The following VPS9D1 variants were observed in gnomAD, a reference collection of about 807,000 sequenced individuals.
The protein encoded by VPS9D1 is VPS9 domain-containing protein 1.
VPS9D1 carries 78 observed loss-of-function variants against 75.8 expected under a neutral mutation model. That is an observed-to-expected ratio of 1.03 (90% CI 0.86 to 1.24). The LOEUF is 1.24. Among genes scored for constraint, VPS9D1 ranks in the 50% most tolerant of loss-of-function variants. The pLI, the probability that VPS9D1 is intolerant of heterozygous loss-of-function variation, is 0.00. For synonymous variants in VPS9D1, 481 were observed against 385.6 expected (o/e 1.25, Z -2.90); for missense variants, 1,057 against 847.7 (o/e 1.25, Z -3.07).
rs904241769 is a variant in VPS9D1, at chr16:89,711,370, C to T, written c.790G>A (p.Gly264Arg). The change falls in exon 9 of 15, where the codon GGG becomes AGG. Residue 264 changes from glycine (G) to arginine (R), a missense_variant. Coordinates refer to ENST00000389386, the MANE Select transcript of VPS9D1 (RefSeq NM_004913.3). ...AGGCTGGTCACGAGTGACAGGTCCC[C>T]CGGATTCCTCTTGAGCTTGGCCTTC... ...HWKAKLKRNP[G>R]DLSLVTSLVS... 2 of 1,611,052 alleles carry T rather than the reference C, an allele frequency of 1.2e-6. No homozygotes were observed. Among genetic ancestry groups the T allele is most frequent in the East Asian group, 2.2e-5 (1 of 44,798 alleles).
intron 4 of VPS9D1, among the ~76,000 whole-genome samples, chr16:89,714,882 G>A (rs1050378004): frequency 4.0e-5 from 6 of 151,682 alleles, no homozygotes; most frequent in African/African-American, 9.7e-5. Context: ...TTACAGGCAC[G>A]CGCCACCATG....
chr16:89,710,278 C>T (rs756959802), intron 10 of VPS9D1, among the ~76,000 whole-genome samples: 5 of 152,180 alleles, frequency 3.3e-5, no homozygotes, highest in Non-Finnish European at 7.3e-5. Flanking sequence ...TGTTGGGCCT[C>T]CCTCAGTGGT....
At position 89,716,608 on chromosome 16, in the gene VPS9D1, C is replaced by T; in HGVS notation, c.285G>A (p.Lys95=). The T allele has an allele frequency of 6.2e-7, 1 of 1,613,426 alleles. No individual in the cohort carries two copies. Among genetic ancestry groups the T allele is most frequent in the Non-Finnish European group, 8.5e-7 (1 of 1,179,584 alleles). The part of the protein sequence containing the change: ...TAAKLGKTRL[K]PTMPAAAPIP... ...TGGGAGCAGCTGCAGGCATGGTTGGCTTCAGGCGTGTTTTCCCTGCAAGCC... is the reference window on the plus strand; with the variant it reads ...TGGGAGCAGCTGCAGGCATGGTTGGTTTCAGGCGTGTTTTCCCTGCAAGCC... The change falls in exon 4 of 15, where the codon AAG becomes AAA. Residue 95 remains lysine, a synonymous_variant. Transcript: ENST00000389386.
rs370435711 is a variant in VPS9D1 at position 89,712,535 on chromosome 16, G to A, written c.544-13C>T. 902 of 1,611,808 alleles carry A rather than the reference G, an allele frequency of 5.6e-4. 1 individual carries two copies. The African/African-American group carries it at 0.011, about 19-fold the overall frequency. ...GTAGAGAGAGGGTCTGGGGGGGGAG[G>A]AGGGAGTAAGGCCGACTCCCCTCTG... On this transcript the variant is annotated splice_polypyrimidine_tract_variant and intron_variant, in intron 5 of 14. Coordinates refer to ENST00000389386, the MANE Select transcript of VPS9D1 (RefSeq NM_004913.3).
intron 13 of VPS9D1, 119 bp from the exon 14 acceptor site, chr16:89,708,650 G>C: frequency 8.5e-7 from 1 of 1,170,542 alleles, no homozygotes. Context: ...TCTGCGCAGA[G>C]GCACCGGAAG....
chr16:89,713,938 T>C (rs1187292566), intron 4 of VPS9D1, among the ~76,000 whole-genome samples: 1 of 152,052 alleles, frequency 6.6e-6, no homozygotes, highest in Non-Finnish European at 1.5e-5. Flanking sequence ...TGAGGTTTTT[T>C]TGCAAAATTT....
chr16:89,708,747 A>G, intron 13 of VPS9D1, 110 bp downstream of exon 13: 3 of 1,245,808 alleles, frequency 2.4e-6, no homozygotes, highest in Middle Eastern at 4.5e-4. Flanking sequence ...CTGCTTCTAC[A>G]GTGCAGCCAG....
At chr16:89,717,338 C>T (rs1040865598) in intron 2 of VPS9D1, 12 of 351,938 alleles carry the variant, frequency 3.4e-5, no homozygotes, top group African/African-American at 2.4e-4. Flanking sequence ...TCACTTGCAA[C>T]TGCAGGCCTC....
At chr16:89,708,335 C>T (rs2060836059) in intron 14 of VPS9D1, 92 bp downstream of exon 14, 2 of 1,270,546 alleles carry the variant, frequency 1.6e-6, no homozygotes, top group African/African-American at 1.5e-5. Flanking sequence ...ACGCTACCCT[C>T]CCCAGCTGCT....
At chr16:89,711,490 AC>A in intron 8 of VPS9D1, 78 bp from the exon 9 acceptor site, 1 of 1,362,488 alleles carries the variant, frequency 7.3e-7, no homozygotes, top group East Asian at 2.5e-5. Context: ...ACCAGTGCCG[AC>A]CCCTAGAGAC....
chr16:89,720,705 C>CG, intron 1 of VPS9D1, 58 bp downstream of exon 1: 2 of 1,338,328 alleles, frequency 1.5e-6, no homozygotes, highest in Non-Finnish European at 1.9e-6. Flanking sequence ...CCTCCCCGGG[C>CG]GGGGGTCCCT....
At chr16:89,720,706 G>A in intron 1 of VPS9D1, 57 bp downstream of exon 1, 1 of 1,339,972 alleles carries the variant, frequency 7.5e-7, no homozygotes, top group South Asian at 1.8e-5. Flanking sequence ...CTCCCCGGGC[G>A]GGGGTCCCTC....
In VPS9D1 at chr16:89,709,413, C is replaced by T. The variant is rs1161764330; in HGVS notation, c.1411G>A (p.Ala471Thr). ...AGCTCCATGCTCCTGCTCAGGGCAGCCTCCCGGGCTCGGTGCACGCTCCTG... is the reference window on the plus strand; with the variant it reads ...AGCTCCATGCTCCTGCTCAGGGCAGTCTCCCGGGCTCGGTGCACGCTCCTG... ...LYRSVHRARE[A>T]ALSRSMELYR... The change falls in exon 12 of 15, where the codon GCT becomes ACT. Residue 471 changes from alanine to threonine, a missense_variant. Transcript: ENST00000389386. 1.3e-6 allele frequency: 2 copies of T among 1,519,084 alleles called. No individual in the cohort carries two copies. Among genetic ancestry groups the T allele is most frequent in the Non-Finnish European group, 1.8e-6 (2 of 1,140,992 alleles). The allele number at this position is 1,519,084 out of a possible 1,614,324, so 94.1% of individuals were successfully genotyped here.
At position 89,709,844 on chromosome 16, in the gene VPS9D1, G is replaced by T; in HGVS notation, c.1321C>A (p.Arg441Ser). The T allele has an allele frequency of 6.2e-7, 1 of 1,613,748 alleles. No individual in the cohort carries two copies. The highest frequency in any genetic ancestry group is 8.5e-7 in the Non-Finnish European group (1 of 1,179,886). The part of the protein sequence containing the change: ...EGLNTAASKD[R>S]CLACIEEPFF... ...GGTTCCTCAATGCAGGCCAGGCAGC[G>T]GTCCTTGGAGGCAGCTGTGTTTAGG... Residue 441 changes from arginine to serine, a missense_variant, in exon 11 of 15, where the codon CGC (arginine) becomes AGC (serine). Transcript: ENST00000389386.
chr16:89,720,712 C>A, intron 1 of VPS9D1, 51 bp downstream of exon 1: 1 of 1,348,932 alleles, frequency 7.4e-7, no homozygotes, highest in Non-Finnish European at 9.5e-7. Flanking sequence ...GGGCGGGGGT[C>A]CCTCCAGGGG....
At chr16:89,716,877 G>C in intron 2 of VPS9D1, 55 bp from the exon 3 acceptor site, 1 of 1,483,556 alleles carries the variant, frequency 6.7e-7, no homozygotes, top group South Asian at 1.3e-5. Flanking sequence ...GTTACTTACT[G>C]CTGAGATAAA....
Position 89,707,738 on chromosome 16 carries a change from A to C in VPS9D1, c.*123T>G, listed in dbSNP as rs1299220181. On this transcript the variant is annotated 3_prime_UTR_variant, in exon 15 of 15. Transcript: ENST00000389386. ...AGCACACCACAGTGGACAAGCCCCC[A>C]CCATGTGCAGAGCAGCGTGAGGCTC... is the stretch of plus-strand genomic sequence containing the variant. 1.2e-6 allele frequency: 1 copy of C among 813,850 alleles called. No homozygotes were observed. The highest frequency in any genetic ancestry group is 1.7e-5 in the African/African-American group (1 of 58,636). The allele number at this position is 813,850 out of a possible 1,614,324, so 50.4% of individuals were successfully genotyped here. A position where few individuals can be genotyped will look rare whatever the true frequency, so the allele number is the denominator to read the frequency against.
intron 12 of VPS9D1, 35 bp from the exon 13 acceptor site, chr16:89,708,991 C>T (rs1470936791): frequency 3.2e-6 from 5 of 1,556,816 alleles, no homozygotes; most frequent in African/African-American, 1.4e-5. Context: ...GGCAGTTAAC[C>T]CCGTCCAGCA....
chr16:89,714,567 A>C (rs935711303), intron 4 of VPS9D1, among the ~76,000 whole-genome samples: 8 of 152,192 alleles, frequency 5.3e-5, no homozygotes, highest in Non-Finnish European at 1.2e-4. Flanking sequence ...TGCAGAAACA[A>C]GGGGACTGGG....
Sources: allele counts gnomAD v4.1 joint callset (sites outside exome capture counted in the v4.1 genomes callset), GRCh38; gene constraint gnomAD v4.1.1; transcripts MANE v1.5; gene names NCBI Gene and HGNC (gene_info 2026-07-23, HGNC 2026-07-21).